GARIN1A: variants seen among roughly 807,000 people sequenced by gnomAD.
GARIN1A encodes Golgi-associated RAB2 interactor protein 1A.
chr7:128,690,137 T>G, the GARIN1A span, among the ~76,000 whole-genome samples: 1 of 152,246 alleles, frequency 6.6e-6, no homozygotes, highest in Non-Finnish European at 1.5e-5. Flanking sequence ...AAACATGTGC[T>G]GTGTCCACTC....
the GARIN1A span, among the ~76,000 whole-genome samples, chr7:128,706,635 A>G: frequency 3.9e-5 from 6 of 152,182 alleles, no homozygotes; most frequent in South Asian, 1.0e-3. Context: ...CCTGGCTACC[A>G]TTATCCTCAG....
the GARIN1A span, among the ~76,000 whole-genome samples, chr7:128,701,478 G>C: frequency 6.9e-6 from 1 of 145,030 alleles, no homozygotes; most frequent in Non-Finnish European, 1.5e-5. Flanking sequence ...AGGGAAGGGG[G>C]TCTTATTCCT....
chr7:128,675,732 G>C, the GARIN1A span: 2 of 1,613,758 alleles, frequency 1.2e-6, no homozygotes, highest in Non-Finnish European at 1.7e-6. Context: ...CGTGATCCTC[G>C]GGGTCACCTC....
At chr7:128,702,432 C>T in the GARIN1A span, among the ~76,000 whole-genome samples, 1 of 152,094 alleles carries the variant, frequency 6.6e-6, no homozygotes, top group African/African-American at 2.4e-5. Flanking sequence ...ACACACAAAG[C>T]AGTATAATGT....
the GARIN1A span, among the ~76,000 whole-genome samples, chr7:128,675,156 T>G: frequency 6.6e-6 from 1 of 152,094 alleles, no homozygotes; most frequent in Non-Finnish European, 1.5e-5. Flanking sequence ...GCCTTCTGCT[T>G]CAAGAGAATA....
At chr7:128,701,390 A>G in the GARIN1A span, among the ~76,000 whole-genome samples, 2 of 9,574 alleles carry the variant, frequency 2.1e-4, no homozygotes, top group African/African-American at 5.4e-4. Context: ...GGGAGAGGGG[A>G]GGGGAGGGGA....
the GARIN1A span, among the ~76,000 whole-genome samples, chr7:128,676,364 C>T: frequency 3.2e-4 from 49 of 152,132 alleles, no homozygotes; most frequent in African/African-American, 1.2e-3. Flanking sequence ...TGGGATAGGG[C>T]AGTACCCAGT....
At chr7:128,685,564 G>A in the GARIN1A span, 1 of 152,224 alleles carries the variant, frequency 6.6e-6, no homozygotes, top group South Asian at 2.1e-4. Context: ...TCTGAGTTAA[G>A]AGGATGCCTG....
At chr7:128,681,751 C>T in the GARIN1A span, among the ~76,000 whole-genome samples, 1 of 152,106 alleles carries the variant, frequency 6.6e-6, no homozygotes, top group South Asian at 2.1e-4. Flanking sequence ...AGTCCTCCTA[C>T]CTTGACCTCC....
chr7:128,702,969 A>G, the GARIN1A span, among the ~76,000 whole-genome samples: 1 of 152,370 alleles, frequency 6.6e-6, no homozygotes, highest in East Asian at 1.9e-4. Context: ...ATATAGTGAT[A>G]AAGGGATCAA....
the GARIN1A span, among the ~76,000 whole-genome samples, chr7:128,676,633 G>T: frequency 4.0e-5 from 6 of 151,796 alleles, no homozygotes; most frequent in Admixed American, 1.3e-4. Context: ...CCAAGGAAAA[G>T]GTGGGGATAC....
the GARIN1A span, among the ~76,000 whole-genome samples, chr7:128,689,370 G>A: frequency 1.1e-4 from 16 of 151,594 alleles, no homozygotes; most frequent in Non-Finnish European, 2.4e-4. Context: ...ATCTCTGCCC[G>A]GCCGCCCATC....
chr7:128,683,273 A>G, the GARIN1A span: 1 of 749,494 alleles, frequency 1.3e-6, no homozygotes, highest in Non-Finnish European at 2.0e-6. Context: ...GGTGTTTCCA[A>G]CAAGGTGCTT....
chr7:128,698,460 A>T, the GARIN1A span, among the ~76,000 whole-genome samples: 1 of 151,814 alleles, frequency 6.6e-6, no homozygotes, highest in African/African-American at 2.4e-5. Flanking sequence ...GCCCCTCCTT[A>T]ACCCATGCCA....
chr7:128,701,240 C>A, the GARIN1A span, among the ~76,000 whole-genome samples: 6 of 148,392 alleles, frequency 4.0e-5, no homozygotes, highest in African/African-American at 1.5e-4. Context: ...AGTAAATGCT[C>A]GCTTCCACCA....
the GARIN1A span, among the ~76,000 whole-genome samples, chr7:128,675,001 A>G: frequency 6.6e-6 from 1 of 152,178 alleles, no homozygotes; most frequent in East Asian, 1.9e-4. Context: ...CCCTCCTCAT[A>G]TGTTCCTTAT....
chr7:128,692,685 G>A, the GARIN1A span, among the ~76,000 whole-genome samples: 2 of 152,304 alleles, frequency 1.3e-5, no homozygotes, highest in East Asian at 3.9e-4. Flanking sequence ...AAATTATATG[G>A]AAGCTTCATA....
the GARIN1A span, among the ~76,000 whole-genome samples, chr7:128,698,501 A>G: frequency 1.1e-4 from 17 of 151,942 alleles, no homozygotes; most frequent in Non-Finnish European, 1.5e-5. Context: ...TATAATCTTC[A>G]ATCTCTTCTG....
chr7:128,674,801 G>A, the GARIN1A span, among the ~76,000 whole-genome samples: 3 of 152,242 alleles, frequency 2.0e-5, no homozygotes, highest in African/African-American at 7.2e-5. Flanking sequence ...GTTTTACAAA[G>A]TCTAGAACAT....
Sources: allele counts gnomAD v4.1 joint callset (sites outside exome capture counted in the v4.1 genomes callset), GRCh38; gene constraint gnomAD v4.1.1; transcripts MANE v1.5; gene names NCBI Gene and HGNC (gene_info 2026-07-23, HGNC 2026-07-21).